The following CDH20 variants were observed in gnomAD, a reference collection of about 807,000 sequenced individuals.
CDH20 encodes the protein cadherin-20.
In CDH20, 29 loss-of-function variants were observed where a neutral mutation model predicts 74.2. That is an observed-to-expected ratio of 0.39 (90% CI 0.29 to 0.53). The LOEUF is 0.53. CDH20 is among the 20% of genes least tolerant of loss of function. CDH20 has a pLI of 0.69. For synonymous variants in CDH20, 469 were observed against 405.4 expected (o/e 1.16, Z -1.88); for missense variants, 988 against 1,048.3 (o/e 0.94, Z 0.79).
At chr18:61,484,819 C>G (rs1418569959) in intron 1 of CDH20, among the ~76,000 whole-genome samples, 1 of 151,554 alleles carries the variant, frequency 6.6e-6, no homozygotes, top group Non-Finnish European at 1.5e-5. Context: ...AGATATTGCT[C>G]CTAAACTGCA....
intron 1 of CDH20, among the ~76,000 whole-genome samples, chr18:61,465,055 T>C (rs559331298): frequency 5.6e-4 from 85 of 152,326 alleles, no homozygotes; most frequent in African/African-American, 1.9e-3. Context: ...CCTTGTAATA[T>C]CAAACAACTT....
chr18:61,464,005 C>T (rs1247641246), intron 1 of CDH20, among the ~76,000 whole-genome samples: 1 of 152,060 alleles, frequency 6.6e-6, no homozygotes, highest in Non-Finnish European at 1.5e-5. Context: ...TGTAAAGCAC[C>T]CAGCATGGAG....
chr18:61,545,110 T>C lies in CDH20; in HGVS notation c.1614T>C (p.Ala538=). The part of the protein sequence containing the change: ...HFYYSLAPEA[A]NNPNFTIRDN... ...ACTACAGCTTGGCTCCTGAGGCTGC[T>C]AACAACCCCAACTTTACCATAAGGG... Residue 538 remains alanine (A), a synonymous_variant, in exon 10 of 12, where the codon GCT becomes GCC. Transcript: ENST00000262717. The C allele has an allele frequency of 6.2e-7, 1 of 1,613,680 alleles. No homozygotes were observed. The highest frequency in any genetic ancestry group is 1.3e-5 in the African/African-American group (1 of 74,994).
At position 61,554,735 on chromosome 18, in the gene CDH20, T is replaced by C. The variant is rs1913572146; in HGVS notation, c.*40T>C. On this transcript the variant is annotated 3_prime_UTR_variant, in exon 12 of 12. Transcript: ENST00000262717. ...CAGGCGCGCGTCCAAATCCAGACGT[T>C]CTCCGCGGGTGCTTCGCGGACAAGG... 1.3e-6 allele frequency: 2 copies of C among 1,496,042 alleles called. No individual in the cohort carries two copies. Among genetic ancestry groups the C allele is most frequent in the African/African-American group, 1.4e-5 (1 of 72,638 alleles). 92.7% of individuals were successfully genotyped at this position (1,496,042 alleles called of 1,614,324 possible).
At chr18:61,367,512 T>C (rs1460852457) in intron 1 of CDH20, among the ~76,000 whole-genome samples, 1 of 152,208 alleles carries the variant, frequency 6.6e-6, no homozygotes, top group Non-Finnish European at 1.5e-5. Context: ...CTTCGTTTAT[T>C]TCTGGAGGTC....
At chr18:61,418,560 A>G (rs983003152) in intron 1 of CDH20, among the ~76,000 whole-genome samples, 2 of 150,186 alleles carry the variant, frequency 1.3e-5, no homozygotes, top group South Asian at 2.1e-4. Flanking sequence ...TCTCAAAAAA[A>G]AAAAAAAAAA....
At chr18:61,387,665 C>A (rs550021280) in intron 1 of CDH20, among the ~76,000 whole-genome samples, 5 of 152,158 alleles carry the variant, frequency 3.3e-5, no homozygotes, top group Non-Finnish European at 7.3e-5. Context: ...TAAATATCTA[C>A]AGAATTGTGT....
intron 6 of CDH20, among the ~76,000 whole-genome samples, chr18:61,522,674 A>T (rs1912253431): frequency 6.6e-6 from 1 of 152,136 alleles, no homozygotes; most frequent in East Asian, 1.9e-4. Context: ...ATAGTACAAG[A>T]CTACAGTAAC....
chr18:61,417,848 G>C (rs963778231), intron 1 of CDH20, among the ~76,000 whole-genome samples: 2 of 152,150 alleles, frequency 1.3e-5, no homozygotes, highest in Admixed American at 1.3e-4. Context: ...AAATACTTGA[G>C]GTGATGGCTA....
At chr18:61,350,593 A>T (rs1410541370) in intron 1 of CDH20, among the ~76,000 whole-genome samples, 1 of 152,204 alleles carries the variant, frequency 6.6e-6, no homozygotes, top group East Asian at 1.9e-4. Context: ...TGAAGTGTGA[A>T]CTGCCCGCTA....
intron 6 of CDH20, among the ~76,000 whole-genome samples, chr18:61,516,555 T>C (rs1943331): frequency 0.042 from 6,422 of 152,322 alleles, 203 homozygotes; most frequent in Middle Eastern, 0.11. Context: ...ATAATGGCTT[T>C]TTGTTTTTGT....
At chr18:61,423,110 GAGA>G (rs1912943636) in intron 1 of CDH20, among the ~76,000 whole-genome samples, 1 of 152,148 alleles carries the variant, frequency 6.6e-6, no homozygotes, top group East Asian at 1.9e-4. Flanking sequence ...GGTCCAATGC[GAGA>G]AGAAGAAACA....
At chr18:61,472,515 G>T (rs1388358779) in intron 1 of CDH20, among the ~76,000 whole-genome samples, 1 of 152,190 alleles carries the variant, frequency 6.6e-6, no homozygotes, top group Non-Finnish European at 1.5e-5. Flanking sequence ...TCAGGGGCAA[G>T]CTCGGGAAAA....
chr18:61,497,403 A>C lies in CDH20; in HGVS notation c.247-1783A>C, dbSNP rs576614808. On this transcript the variant is annotated intron_variant, in intron 2 of 11. Transcript: ENST00000262717. Reference sequence around the variant, plus strand: ...ATTTGCAGGTGTTTTATTGGTGTTCATGCTGTTTAATCCTCAGAGTAACAC... The same window carrying C: ...ATTTGCAGGTGTTTTATTGGTGTTCCTGCTGTTTAATCCTCAGAGTAACAC... Among the ~76,000 whole-genome samples the C allele has an allele frequency of 2.6e-5, 4 of 152,252 alleles. No homozygotes were observed. The East Asian group carries it at 7.7e-4, about 29-fold the overall frequency.
chr18:61,521,403 T>A (rs1599143761), intron 6 of CDH20, among the ~76,000 whole-genome samples: 1 of 151,202 alleles, frequency 6.6e-6, no homozygotes, highest in Non-Finnish European at 1.5e-5. Context: ...AATAGACCAA[T>A]AACAAGTTCT....
chr18:61,398,115 T>G (rs1466724667), intron 1 of CDH20, among the ~76,000 whole-genome samples: 3 of 152,162 alleles, frequency 2.0e-5, no homozygotes, highest in African/African-American at 7.2e-5. Flanking sequence ...ACTAACTACA[T>G]CCCTAGCCTG....
At chr18:61,449,369 C>T (rs1390511150) in intron 1 of CDH20, among the ~76,000 whole-genome samples, 1 of 152,060 alleles carries the variant, frequency 6.6e-6, no homozygotes, top group African/African-American at 2.4e-5. Flanking sequence ...GAGTTCTTCC[C>T]TTATTTGTAG....
intron 1 of CDH20, among the ~76,000 whole-genome samples, chr18:61,426,967 C>G (rs540528101): frequency 1.3e-5 from 2 of 151,970 alleles, no homozygotes; most frequent in African/African-American, 4.8e-5. Context: ...CTGCAATGAC[C>G]GAAGCATGTT....
chr18:61,467,300 C>T (rs1055986023), intron 1 of CDH20, among the ~76,000 whole-genome samples: 6 of 152,080 alleles, frequency 3.9e-5, no homozygotes, highest in Non-Finnish European at 7.4e-5. Flanking sequence ...CCTAATTTGC[C>T]TTCTTCTCCG....
Sources: allele counts gnomAD v4.1 joint callset (sites outside exome capture counted in the v4.1 genomes callset), GRCh38; gene constraint gnomAD v4.1.1; transcripts MANE v1.5; gene names NCBI Gene and HGNC (gene_info 2026-07-23, HGNC 2026-07-21).